The following KCTD1 variants were observed in gnomAD, a reference collection of about 807,000 sequenced individuals.
The protein encoded by KCTD1 is BTB/POZ domain-containing protein KCTD1.
KCTD1 carries 24 observed loss-of-function variants against 66.0 expected under a neutral mutation model. The ratio of observed to expected loss-of-function variants is 0.36; its 90% CI spans 0.26 to 0.51. KCTD1 has a LOEUF of 0.51. Among genes scored for constraint, KCTD1 ranks in the 20% least tolerant of loss-of-function variants. KCTD1 has a pLI of 0.95. For missense variants in KCTD1, 943 were observed against 1,205.2 expected, an observed-to-expected ratio of 0.78 and a Z score of 3.22; for synonymous variants, 511 against 517.2, an observed-to-expected ratio of 0.99 and a Z score of 0.16.
intron 1 of KCTD1, among the ~76,000 whole-genome samples, chr18:26,650,121 G>A (rs562558158): frequency 2.0e-4 from 31 of 152,254 alleles, no homozygotes; most frequent in African/African-American, 6.5e-4. Context: ...TTGAGGCAAC[G>A]TCCTACTTAG....
rs149214949 is a variant in KCTD1, at chr18:26,535,481, G to A, written c.1809+11247C>T. The stretch of plus-strand genomic sequence containing the variant: ...TGACTTTGTATTTTAAAAAAAGTCC[G>A]CAAGTCAACCTAAGACTGTAGCTTT... On this transcript the variant is annotated intron_variant, in intron 1 of 4. Coordinates refer to ENST00000580059, the MANE Select transcript of KCTD1 (RefSeq NM_001142730.3). 1.3e-4 allele frequency among the ~76,000 whole-genome samples: 20 copies of A among 151,668 alleles called. No homozygotes were observed. The East Asian group carries it at 1.9e-3, about 15-fold the overall frequency.
chr18:26,569,119 C>G (rs944249005), intron 1 of KCTD1, among the ~76,000 whole-genome samples: 64 of 152,210 alleles, frequency 4.2e-4, no homozygotes, highest in African/African-American at 1.1e-3. Flanking sequence ...TTAGAGGTTA[C>G]AAAGCACTTT....
chr18:26,524,161 C>A (rs991885440), intron 1 of KCTD1, among the ~76,000 whole-genome samples: 1 of 152,224 alleles, frequency 6.6e-6, no homozygotes, highest in Non-Finnish European at 1.5e-5. Context: ...AGGATCTAGA[C>A]CTCACCAGGC....
chr18:26,590,921 G>A (rs1438065058), intron 1 of KCTD1, among the ~76,000 whole-genome samples: 1 of 152,042 alleles, frequency 6.6e-6, no homozygotes, highest in Admixed American at 6.6e-5. Flanking sequence ...TCCTGATGGT[G>A]AACCCCAAAT....
chr18:26,471,102 C>G (rs555296195), intron 3 of KCTD1, among the ~76,000 whole-genome samples: 1 of 152,216 alleles, frequency 6.6e-6, no homozygotes, highest in East Asian at 1.9e-4. Context: ...ACGTGCAGGT[C>G]TCCAGGAAAA....
At chr18:26,642,421 AAG>A (rs1431495892), upstream of KCTD1, among the ~76,000 whole-genome samples, 1 of 152,206 alleles carries the variant, frequency 6.6e-6, no homozygotes, top group African/African-American at 2.4e-5. Context: ...ATTAATTAAA[AAG>A]AGAATACAAA....
intron 1 of KCTD1, among the ~76,000 whole-genome samples, chr18:26,569,828 A>G (rs1161923702): frequency 6.6e-6 from 1 of 152,184 alleles, no homozygotes; most frequent in Admixed American, 6.5e-5. Flanking sequence ...ATTCACTCCC[A>G]AATAATTAGG....
chr18:26,576,407 C>G (rs1287083346), intron 1 of KCTD1, among the ~76,000 whole-genome samples: 2 of 152,082 alleles, frequency 1.3e-5, no homozygotes, highest in African/African-American at 4.8e-5. Flanking sequence ...ATTTAACACA[C>G]ATATAACTGA....
chr18:26,516,407 T>C (rs1567976763), intron 1 of KCTD1, among the ~76,000 whole-genome samples: 2 of 152,022 alleles, frequency 1.3e-5, no homozygotes, highest in Admixed American at 6.6e-5. Context: ...GTTTAAAGGG[T>C]CCTCCAGGTC....
intron 1 of KCTD1, among the ~76,000 whole-genome samples, chr18:26,560,987 T>C (rs1985834203): frequency 6.6e-6 from 1 of 152,216 alleles, no homozygotes; most frequent in African/African-American, 2.4e-5. Flanking sequence ...TAAAGAATCA[T>C]TGGATACAAT....
At chr18:26,549,238 A>T, upstream of KCTD1, 1 of 985,928 alleles carries the variant, frequency 1.0e-6, no homozygotes. Context: ...CGGCTCCCCC[A>T]CCTACTTGCT....
intron 1 of KCTD1, among the ~76,000 whole-genome samples, chr18:26,600,567 G>A (rs1986870809): frequency 6.6e-6 from 1 of 152,060 alleles, no homozygotes; most frequent in Admixed American, 6.6e-5. Flanking sequence ...ACTCAGCACG[G>A]GATGGGTTTC....
chr18:26,639,597 A>G (rs2145060322), intron 1 of KCTD1, among the ~76,000 whole-genome samples: 1 of 152,348 alleles, frequency 6.6e-6, no homozygotes, highest in Middle Eastern at 3.4e-3. Flanking sequence ...AATGATAAAC[A>G]TTATCAATAA....
chr18:26,582,128 C>T (rs551330518), intron 1 of KCTD1, among the ~76,000 whole-genome samples: 3 of 148,840 alleles, frequency 2.0e-5, no homozygotes, highest in South Asian at 2.1e-4. Flanking sequence ...AAAAAATTAG[C>T]GGGGCATATT....
upstream of KCTD1, among the ~76,000 whole-genome samples, chr18:26,551,331 C>T (rs770517750): frequency 6.6e-6 from 1 of 152,164 alleles, no homozygotes; most frequent in Non-Finnish European, 1.5e-5. Context: ...CGAAAAACCC[C>T]AAGCGCAAAT....
chr18:26,501,753 GA>G (rs1567970218), intron 1 of KCTD1, among the ~76,000 whole-genome samples: 1 of 152,110 alleles, frequency 6.6e-6, no homozygotes, highest in African/African-American at 2.4e-5. Context: ...TTCAAATCAG[GA>G]AAAAGAGAGC....
chr18:26,559,958 T>C (rs1181686473), intron 1 of KCTD1, among the ~76,000 whole-genome samples: 3 of 152,174 alleles, frequency 2.0e-5, no homozygotes, highest in Non-Finnish European at 4.4e-5. Context: ...GTTCTCGGAT[T>C]TGCATTTGGC....
At chr18:26,489,879 C>G (rs934546362) in intron 2 of KCTD1, among the ~76,000 whole-genome samples, 1 of 152,146 alleles carries the variant, frequency 6.6e-6, no homozygotes, top group African/African-American at 2.4e-5. Flanking sequence ...AAGAGATTAT[C>G]TGAATCTTCT....
In KCTD1 at chr18:26,646,606, T is replaced by TG. The variant is rs142974709; in HGVS notation, c.9+10753dup. On this transcript the variant is annotated intron_variant, in intron 1 of 4. Transcript: ENST00000580191. Reference sequence around the variant, plus strand: ...CTATATGAACACTTCAACTGTACAATGAAAAAAAAGTGTGACTCTAAAAGG... The same window carrying TG: ...CTATATGAACACTTCAACTGTACAATGGAAAAAAAAGTGTGACTCTAAAAGG... 3.0e-4 allele frequency among the ~76,000 whole-genome samples: 45 copies of TG among 152,100 alleles called. No homozygotes were observed. The East Asian group carries it at 7.9e-3, about 27-fold the overall frequency.
Sources: allele counts gnomAD v4.1 joint callset (sites outside exome capture counted in the v4.1 genomes callset), GRCh38; gene constraint gnomAD v4.1.1; transcripts MANE v1.5; gene names NCBI Gene and HGNC (gene_info 2026-07-23, HGNC 2026-07-21).